The following SLC52A3 variants were observed in gnomAD, a reference collection of about 807,000 sequenced individuals.
The protein encoded by SLC52A3 is solute carrier family 52, riboflavin transporter, member 3.
SLC52A3 carries 20 observed loss-of-function variants against 29.5 expected under a neutral mutation model. The ratio of observed to expected loss-of-function variants is 0.68; its 90% CI spans 0.48 to 0.99. SLC52A3 has a LOEUF of 0.99. Ranked by LOEUF, SLC52A3 falls within the 50% of genes least tolerant of loss-of-function variation. The pLI, the probability that SLC52A3 is intolerant of heterozygous loss-of-function variation, is 0.00. For synonymous variants in SLC52A3, 301 were observed against 271.0 expected (o/e 1.11, Z -1.09); for missense variants, 548 against 612.9 (o/e 0.89, Z 1.12).
chr20:760,669 A>G lies in SLC52A3; in HGVS notation c.*357T>C, dbSNP rs911998726. Reference sequence around the variant, plus strand: ...CATGCATGAAGAAACAGGCACAGAGAAGCCAAATGACTTTCCCAAGGTCAC... The same window carrying G: ...CATGCATGAAGAAACAGGCACAGAGGAGCCAAATGACTTTCCCAAGGTCAC... On this transcript the variant is annotated 3_prime_UTR_variant, in exon 5 of 5. Coordinates refer to ENST00000645534, the MANE Select transcript of SLC52A3 (RefSeq NM_033409.4). This position sits in a 1 kb window ranked among gnomAD's most constrained non-coding sequence, Gnocchi z 4.9. 4 of 297,320 alleles carry G rather than the reference A, an allele frequency of 1.3e-5. No homozygotes were observed. Among genetic ancestry groups the G allele is most frequent in the African/African-American group, 6.4e-5 (3 of 46,868 alleles). The allele number at this position is 297,320 out of a possible 1,614,324, so 18.4% of individuals were successfully genotyped here. A position where few individuals can be genotyped will look rare whatever the true frequency, so the allele number is the denominator to read the frequency against.
In SLC52A3 at chr20:763,760, T is replaced by A. The variant is rs1568721088; in HGVS notation, c.811A>T (p.Asn271Tyr). The A allele has an allele frequency of 6.2e-7, 1 of 1,614,162 alleles. No individual in the cohort carries two copies. Residue 271 changes from asparagine (N) to tyrosine (Y), a missense_variant, in exon 3 of 5, where the codon AAT becomes TAT. This residue lies in a region of SLC52A3 where 375 missense variants were observed against 471.1 expected (regional missense o/e 0.80). Coordinates refer to ENST00000645534, the MANE Select transcript of SLC52A3 (RefSeq NM_033409.4). ...TLHSIRPREE[N>Y]DLGPAGTVDS... is the part of the protein sequence containing the mutation. ...ACCGTGCCTGCAGGGCCCAAGTCAT[T>A]CTCTTCCCGCGGCCGGATGGAGTGG...
chr20:776,322 T>G (rs1672784447), upstream of SLC52A3, among the ~76,000 whole-genome samples: 1 of 152,204 alleles, frequency 6.6e-6, no homozygotes, highest in Non-Finnish European at 1.5e-5. Context: ...GTTCAAATAC[T>G]GGTGCTTCAG....
At chr20:768,628 A>G (rs570405455), upstream of SLC52A3, 1 of 152,252 alleles carries the variant, frequency 6.6e-6, no homozygotes, top group South Asian at 2.1e-4. Context: ...AGCGAACCCA[A>G]TGCTCAGTGG....
chr20:761,897 T>C, intron 3 of SLC52A3, 73 bp from the exon 4 acceptor site: 1 of 1,600,228 alleles, frequency 6.2e-7, no homozygotes, highest in Non-Finnish European at 8.6e-7. Context: ...CTGGGCGGCA[T>C]GTGGATGGCC....
chr20:763,663 A>G lies in SLC52A3; in HGVS notation c.908T>C (p.Ile303Thr), dbSNP rs749383739. 4.3e-6 allele frequency: 7 copies of G among 1,613,996 alleles called. No homozygotes were observed. In the African/African-American group the frequency reaches 9.3e-5, roughly 22 times the overall value. Residue 303 changes from isoleucine (I) to threonine (T), a missense_variant, in exon 3 of 5, where the codon ATC becomes ACC. Ile to Thr is a moderately conservative substitution (Grantham distance 89, BLOSUM62 -1). Coordinates refer to ENST00000645534, the MANE Select transcript of SLC52A3 (RefSeq NM_033409.4). ...GTTGACGAAGGCCACCAGGGTATAG[A>G]TGAAGGCCAGGTGCGCCGGGCAGCA... ...APCCPAHLAF[I>T]YTLVAFVNAL...
chr20:772,725 G>A (rs376509923), upstream of SLC52A3, among the ~76,000 whole-genome samples: 1 of 152,096 alleles, frequency 6.6e-6, no homozygotes, highest in East Asian at 1.9e-4. Context: ...GAAGTTGGAG[G>A]AAGCATTCAC....
In SLC52A3 at chr20:760,909, C is replaced by G. The variant is rs1429750643; in HGVS notation, c.*117G>C. On this transcript the variant is annotated 3_prime_UTR_variant, in exon 5 of 5. Transcript: ENST00000645534. This position sits in a 1 kb window ranked among gnomAD's most constrained non-coding sequence, Gnocchi z 4.9. ...CCCCACAGTCCCCAGTGGGCACTTGCGTTCATGATTCAATTACTCAGGCTC... is the reference window on the plus strand; with the variant it reads ...CCCCACAGTCCCCAGTGGGCACTTGGGTTCATGATTCAATTACTCAGGCTC... 15 of 1,068,362 alleles carry G rather than the reference C, an allele frequency of 1.4e-5. No homozygotes were observed. The highest frequency in any genetic ancestry group is 1.1e-4 in the Admixed American group (5 of 45,644). 66.2% of individuals were successfully genotyped at this position (1,068,362 alleles called of 1,614,324 possible). A position where few individuals can be genotyped will look rare whatever the true frequency, so the allele number is the denominator to read the frequency against.
intron 3 of SLC52A3, 22 bp downstream of exon 3, chr20:763,476 C>T: frequency 6.2e-7 from 1 of 1,613,718 alleles, no homozygotes; most frequent in Non-Finnish European, 8.5e-7. Context: ...CTAGGATTCC[C>T]TAGGACCAGA....
rs1986540368 is a variant in SLC52A3, at chr20:762,962, T to C, written c.1073+536A>G. Among the ~76,000 whole-genome samples the C allele has an allele frequency of 1.3e-5, 2 of 152,252 alleles. 1 individual carries two copies. Among genetic ancestry groups the C allele is most frequent in the South Asian group, 4.1e-4 (2 of 4,834 alleles). Reference sequence around the variant, plus strand: ...AAAATTGAAATCCCAGGTCCCAGTCTAGGCTGGTTCAATCTGCATTTTATC... The same window carrying C: ...AAAATTGAAATCCCAGGTCCCAGTCCAGGCTGGTTCAATCTGCATTTTATC... On this transcript the variant is annotated intron_variant, in intron 3 of 4. Transcript: ENST00000645534.
At chr20:762,941 T>C (rs1034110997) in intron 3 of SLC52A3, among the ~76,000 whole-genome samples, 4 of 152,220 alleles carry the variant, frequency 2.6e-5, no homozygotes, top group African/African-American at 9.6e-5. Flanking sequence ...TTACTAAAAA[T>C]TGAAATCCCA....
chr20:763,655 G>T lies in SLC52A3; in HGVS notation c.916C>A (p.Leu306Met). The change falls in exon 3 of 5, where the codon CTG becomes ATG. Residue 306 changes from leucine (L) to methionine (M), a missense_variant. Around this residue, in one of 2 missense-constraint regions of SLC52A3, gnomAD observed 375 missense variants for 471.1 expected, o/e 0.80. Coordinates refer to ENST00000645534, the MANE Select transcript of SLC52A3 (RefSeq NM_033409.4). ...CPAHLAFIYT[L>M]VAFVNALTNG... ...GTGAGCGCGTTGACGAAGGCCACCA[G>T]GGTATAGATGAAGGCCAGGTGCGCC... is the stretch of plus-strand genomic sequence containing the variant. 6.2e-7 allele frequency: 1 copy of T among 1,614,162 alleles called. No homozygotes were observed. Among genetic ancestry groups the T allele is most frequent in the Non-Finnish European group, 8.5e-7 (1 of 1,180,018 alleles).
intron 1 of SLC52A3, among the ~76,000 whole-genome samples, 173 bp downstream of exon 1, chr20:768,124 G>A (rs945362485): frequency 9.2e-5 from 14 of 152,302 alleles, no homozygotes; most frequent in African/African-American, 3.4e-4. Context: ...AGTTTATGCT[G>A]TTTCCAACAG....
At chr20:772,496 C>T (rs144933285), upstream of SLC52A3, among the ~76,000 whole-genome samples, 2 of 151,932 alleles carry the variant, frequency 1.3e-5, no homozygotes, top group African/African-American at 4.8e-5. Flanking sequence ...ACTACATGTG[C>T]AAAAAGGCCC....
At chr20:777,152 C>T (rs1161996404), upstream of SLC52A3, among the ~76,000 whole-genome samples, 1 of 152,072 alleles carries the variant, frequency 6.6e-6, no homozygotes, top group Admixed American at 6.6e-5. Context: ...AGGAGAATTG[C>T]TTGAGCCCGG....
At chr20:770,990 G>A (rs1269381885), upstream of SLC52A3, among the ~76,000 whole-genome samples, 1 of 152,198 alleles carries the variant, frequency 6.6e-6, no homozygotes, top group African/African-American at 2.4e-5. The surrounding 1 kb of genome is among the most constrained non-coding windows in gnomAD (Gnocchi z 4.5). Flanking sequence ...GCTCCTTTGG[G>A]ATTTTGTGGC....
chr20:771,767 A>G (rs1367251095), upstream of SLC52A3, among the ~76,000 whole-genome samples: 1 of 152,124 alleles, frequency 6.6e-6, no homozygotes, highest in African/African-American at 2.4e-5. Context: ...AATTGAGACC[A>G]AGAGTCATTT....
In SLC52A3 at chr20:765,391, C is replaced by T. The variant is rs774162429; in HGVS notation, c.384G>A (p.Pro128=). Residue 128 remains proline, a synonymous_variant, in exon 2 of 5, where the codon CCG becomes CCA. Coordinates refer to ENST00000645534, the MANE Select transcript of SLC52A3 (RefSeq NM_033409.4). The surrounding 1 kb of genome is among the most constrained non-coding windows in gnomAD (Gnocchi z 6.6). ...VDCTSSVTFL[P]FMSRLPTYYL... ...AGTAGGTGGGCAGCCGGCTCATGAA[C>T]GGCAGGAAGGTCACTGAAGAGGTGC... The T allele has an allele frequency of 2.5e-5, 41 of 1,613,916 alleles. No homozygotes were observed. Among genetic ancestry groups the T allele is most frequent in the South Asian group, 1.5e-4 (14 of 91,070 alleles).
At chr20:768,931 A>G (rs1261306473), upstream of SLC52A3, among the ~76,000 whole-genome samples, 4 of 152,168 alleles carry the variant, frequency 2.6e-5, no homozygotes, top group African/African-American at 9.7e-5. Context: ...GCTTTCTACA[A>G]GACTCCGTCC....
upstream of SLC52A3, chr20:768,729 C>T (rs1568729083): frequency 6.6e-6 from 1 of 152,430 alleles, no homozygotes; most frequent in Non-Finnish European, 1.5e-5. Flanking sequence ...TCTGCCCCCT[C>T]CCTTCTGGGG....
Sources: allele counts gnomAD v4.1 joint callset (sites outside exome capture counted in the v4.1 genomes callset), GRCh38; gene constraint gnomAD v4.1.1; regional missense constraint gnomAD v4.1.1; non-coding constraint Gnocchi (gnomAD v3.1); transcripts MANE v1.5; gene names NCBI Gene and HGNC (gene_info 2026-07-23, HGNC 2026-07-21).